The following CENPC variants were observed in gnomAD, a reference collection of about 807,000 sequenced individuals.
The protein encoded by CENPC is centromere protein C.
In CENPC, 63 loss-of-function variants were observed where a neutral mutation model predicts 112.1. The observed-to-expected ratio is 0.56, with a 90% CI of 0.46 to 0.69. The LOEUF is 0.69. Ranked by LOEUF, CENPC falls within the 30% of genes least tolerant of loss-of-function variation. The pLI, the probability that CENPC is intolerant of heterozygous loss-of-function variation, is 0.00. For missense variants in CENPC, 1,000 were observed against 1,103.8 expected (o/e 0.91, Z 1.33); for synonymous variants, 333 against 367.6 (o/e 0.91, Z 1.08).
intron 13 of CENPC, among the ~76,000 whole-genome samples, chr4:67,494,505 C>T (rs1187201122): frequency 1.3e-5 from 2 of 152,158 alleles, no homozygotes; most frequent in South Asian, 2.1e-4. Context: ...ATAGCAGTCT[C>T]TCATCACATA....
In CENPC at chr4:67,470,790, C is replaced by A. The variant is rs981409054; in HGVS notation, c.*1815G>T. 5 of 152,008 alleles carry A rather than the reference C, an allele frequency of 3.3e-5. No individual in the cohort carries two copies. Among genetic ancestry groups the A allele is most frequent in the African/African-American group, 1.2e-4 (5 of 41,352 alleles). The allele number at this position is 152,008 out of a possible 1,614,324, so 9.4% of individuals were successfully genotyped here. On this transcript the variant is annotated 3_prime_UTR_variant, in exon 19 of 19. Transcript: ENST00000273853. ...TCTTGATTTACAGCAGAGGTATAAACCTACAACTTTGTAAGTCAAAAGTAA... is the reference window on the plus strand; with the variant it reads ...TCTTGATTTACAGCAGAGGTATAAAACTACAACTTTGTAAGTCAAAAGTAA...
chr4:67,523,307 T>C (rs1471187383), intron 5 of CENPC, among the ~76,000 whole-genome samples: 1 of 151,262 alleles, frequency 6.6e-6, no homozygotes, highest in African/African-American at 2.4e-5. Context: ...AGGGAGACTC[T>C]CTCAAAAAAA....
chr4:67,490,466 G>C (rs1725210003), intron 16 of CENPC, among the ~76,000 whole-genome samples: 1 of 152,072 alleles, frequency 6.6e-6, no homozygotes, highest in South Asian at 2.1e-4. Flanking sequence ...CTGGCAAAAA[G>C]TACGCACTGT....
intron 11 of CENPC, among the ~76,000 whole-genome samples, chr4:67,506,419 T>C (rs1171908006): frequency 6.6e-6 from 1 of 152,152 alleles, no homozygotes; most frequent in East Asian, 1.9e-4. Context: ...AGCATTTGCT[T>C]TGTGGGAAGC....
intron 17 of CENPC, among the ~76,000 whole-genome samples, chr4:67,481,811 C>T (rs1560419144): frequency 6.6e-6 from 1 of 152,152 alleles, no homozygotes; most frequent in African/African-American, 2.4e-5. Context: ...TAAAAGATAA[C>T]ATCAGAAAAA....
chr4:67,517,209 T>C (rs555093603), intron 7 of CENPC, among the ~76,000 whole-genome samples: 1 of 151,990 alleles, frequency 6.6e-6, no homozygotes, highest in South Asian at 2.1e-4. Flanking sequence ...TCACCTAGGC[T>C]AGAGTGCAGT....
At chr4:67,531,294 A>G (rs996538752) in intron 4 of CENPC, among the ~76,000 whole-genome samples, 3 of 152,222 alleles carry the variant, frequency 2.0e-5, no homozygotes, top group Non-Finnish European at 2.9e-5. Context: ...AAAAAAAGCA[A>G]CCTGCAGAAG....
chr4:67,543,487 A>G (rs1313008457), intron 2 of CENPC, among the ~76,000 whole-genome samples: 1 of 152,164 alleles, frequency 6.6e-6, no homozygotes, highest in Non-Finnish European at 1.5e-5. Flanking sequence ...CCTACTCTCT[A>G]TGATACACAA....
intron 4 of CENPC, among the ~76,000 whole-genome samples, chr4:67,539,381 C>T (rs1230482061): frequency 2.0e-5 from 3 of 152,138 alleles, no homozygotes; most frequent in African/African-American, 4.8e-5. Flanking sequence ...GCTTCAAATA[C>T]TTTATTTGAA....
chr4:67,476,007 T>C lies in CENPC; in HGVS notation c.2671-1029A>G, dbSNP rs549106102. ...TAAGGTTACAATGGCATTTAAAAAA[T>C]CGTATTGCCTAGTGACCTCACAGCC... On this transcript the variant is annotated intron_variant, in intron 17 of 18. Coordinates refer to ENST00000273853, the MANE Select transcript of CENPC (RefSeq NM_001812.4). Among the ~76,000 whole-genome samples, 285 of 152,276 alleles carry C rather than the reference T, an allele frequency of 1.9e-3. 1 individual carries two copies. The highest frequency in any genetic ancestry group is 6.4e-3 in the African/African-American group (266 of 41,556).
intron 5 of CENPC, among the ~76,000 whole-genome samples, chr4:67,526,976 A>C (rs950952705): frequency 2.0e-5 from 3 of 152,228 alleles, no homozygotes; most frequent in Non-Finnish European, 4.4e-5. Context: ...GAAATTAATA[A>C]GGAAAAGATA....
At chr4:67,489,758 T>A (rs1239643172) in intron 17 of CENPC, among the ~76,000 whole-genome samples, 1 of 152,108 alleles carries the variant, frequency 6.6e-6, no homozygotes, top group Non-Finnish European at 1.5e-5. Context: ...TTTCTGAATC[T>A]CAAAATACAG....
chr4:67,495,109 C>T, intron 13 of CENPC, 50 bp downstream of exon 13: 2 of 1,402,880 alleles, frequency 1.4e-6, no homozygotes, highest in Non-Finnish European at 1.9e-6. Context: ...GAAACAGAAA[C>T]TTAAGGTATT....
chr4:67,491,480 T>TATATATAGAGAGAGAGAG (rs1725270093), intron 16 of CENPC, among the ~76,000 whole-genome samples: 1 of 18,100 alleles, frequency 5.5e-5, no homozygotes, highest in African/African-American at 1.8e-4. Context: ...TATATATATA[T>TATATATAGAGAGAGAGAG]AGAGAGAGAG....
intron 5 of CENPC, among the ~76,000 whole-genome samples, chr4:67,526,876 C>T (rs1394220177): frequency 6.6e-6 from 1 of 152,076 alleles, no homozygotes; most frequent in African/African-American, 2.4e-5. Flanking sequence ...TTCATAAAGA[C>T]ATGCAATATC....
chr4:67,532,137 C>T (rs949962687), intron 4 of CENPC, among the ~76,000 whole-genome samples: 3 of 152,258 alleles, frequency 2.0e-5, no homozygotes, highest in Non-Finnish European at 4.4e-5. Flanking sequence ...CCAACGGACA[C>T]ATGAAAAAAT....
chr4:67,542,452 T>TATC (rs1222075110), intron 2 of CENPC, among the ~76,000 whole-genome samples: 3 of 152,326 alleles, frequency 2.0e-5, no homozygotes, highest in East Asian at 3.9e-4. Flanking sequence ...TCATCCATCA[T>TATC]AAAGTTTTAT....
At chr4:67,509,529 C>A (rs991284585) in intron 9 of CENPC, among the ~76,000 whole-genome samples, 7 of 152,082 alleles carry the variant, frequency 4.6e-5, no homozygotes, top group African/African-American at 1.7e-4. Flanking sequence ...CTACTGCTCT[C>A]CCCTATATCT....
rs201433526 is a variant in CENPC, at chr4:67,474,904, C to T, written c.2745G>A (p.Ser915=). ...TTGTCTTACCTGAAGGAACATAGAA[C>T]GAATCCCCAGTACTTAATATATAAG... ...ETPYILSTGD[S]FYVPSGNYYN... The change falls in exon 18 of 19, where the codon TCG becomes TCA. Residue 915 remains serine (S), a synonymous_variant. Transcript: ENST00000273853. 157 of 1,576,782 alleles carry T rather than the reference C, an allele frequency of 1.0e-4. No homozygotes were observed. The highest frequency in any genetic ancestry group is 5.1e-4 in the South Asian group (44 of 85,874).
Sources: gnomAD v4.1 joint callset for allele counts (sites outside exome capture counted in the v4.1 genomes callset) on GRCh38, gnomAD v4.1.1 for gene constraint, MANE v1.5 for transcripts, NCBI Gene and HGNC (gene_info 2026-07-23, HGNC 2026-07-21) for gene names.